Variants in SEMA3A observed in about 807,000 individuals in gnomAD.
The protein encoded by SEMA3A is semaphorin-3A.
In SEMA3A, 29 loss-of-function variants were observed where a neutral mutation model predicts 97.9. That is an observed-to-expected ratio of 0.30 (90% CI 0.22 to 0.40). SEMA3A has a LOEUF of 0.40. Among genes scored for constraint, SEMA3A ranks in the 10% least tolerant of loss-of-function variants. The pLI is 1.00. For synonymous variants in SEMA3A, 321 were observed against 323.7 expected (o/e 0.99, Z 0.09); for missense variants, 763 against 951.3 (o/e 0.80, Z 2.60).
At chr7:84,434,756 A>C (rs1805081020) in intron 1 of SEMA3A, among the ~76,000 whole-genome samples, 1 of 152,208 alleles carries the variant, frequency 6.6e-6, no homozygotes, top group African/African-American at 2.4e-5. Flanking sequence ...TTAATGATAA[A>C]ATGCTATATG....
At chr7:84,140,876 G>A (rs1189688768) in intron 1 of SEMA3A, among the ~76,000 whole-genome samples, 1 of 152,120 alleles carries the variant, frequency 6.6e-6, no homozygotes, top group East Asian at 1.9e-4. Context: ...TTAGAAAAAA[G>A]GGGGTGGGAG....
chr7:84,146,419 A>AG (rs1217651832), intron 1 of SEMA3A, among the ~76,000 whole-genome samples: 4 of 151,958 alleles, frequency 2.6e-5, no homozygotes, highest in African/African-American at 9.7e-5. Flanking sequence ...GCTCTTTCTA[A>AG]ATAACTTTCT....
chr7:84,003,246 A>G (rs1790532971), intron 11 of SEMA3A, among the ~76,000 whole-genome samples: 1 of 152,110 alleles, frequency 6.6e-6, no homozygotes, highest in Non-Finnish European at 1.5e-5. Context: ...TTCTGTATTT[A>G]CAGGACCTTA....
At chr7:84,038,913 A>C (rs973637451) in intron 6 of SEMA3A, among the ~76,000 whole-genome samples, 6 of 152,138 alleles carry the variant, frequency 3.9e-5, no homozygotes, top group Non-Finnish European at 8.8e-5. Context: ...TATGATTTTA[A>C]TACTGAAGCT....
chr7:84,373,569 A>C (rs1803025388), intron 1 of SEMA3A, among the ~76,000 whole-genome samples: 1 of 152,198 alleles, frequency 6.6e-6, no homozygotes, highest in African/African-American at 2.4e-5. Flanking sequence ...AATTTATAAA[A>C]TCATGCCTTT....
At chr7:84,126,583 C>G (rs1795804092) in intron 3 of SEMA3A, among the ~76,000 whole-genome samples, 1 of 152,150 alleles carries the variant, frequency 6.6e-6, no homozygotes, top group Non-Finnish European at 1.5e-5. Context: ...TACTTATCAT[C>G]TGTGTGTTAA....
intron 2 of SEMA3A, among the ~76,000 whole-genome samples, chr7:84,366,871 A>T (rs1397010418): frequency 1.3e-5 from 2 of 151,410 alleles, no homozygotes; most frequent in African/African-American, 4.8e-5. Context: ...CTACTTGGTT[A>T]TGCAGGATTT....
At chr7:84,017,938 T>C (rs56156921) in intron 6 of SEMA3A, among the ~76,000 whole-genome samples, 46,991 of 151,960 alleles carry the variant, frequency 0.31, 8,254 homozygotes, top group East Asian at 0.61. Flanking sequence ...TGTCCTTACA[T>C]TTAAGCAAGG....
chr7:84,377,905 A>C (rs373552115), intron 1 of SEMA3A, among the ~76,000 whole-genome samples: 51 of 152,160 alleles, frequency 3.4e-4, no homozygotes, highest in African/African-American at 1.1e-3. Flanking sequence ...TGAATCATTC[A>C]GTTACTGCTG....
upstream of SEMA3A, among the ~76,000 whole-genome samples, chr7:84,200,113 A>G (rs1798318644): frequency 6.6e-6 from 1 of 152,018 alleles, no homozygotes; most frequent in Admixed American, 6.6e-5. Flanking sequence ...GATTTCAGTA[A>G]AAGAAGCTCT....
intron 15 of SEMA3A, among the ~76,000 whole-genome samples, chr7:83,966,841 A>T (rs1184909123): frequency 6.6e-6 from 1 of 151,764 alleles, no homozygotes; most frequent in Non-Finnish European, 1.5e-5. Flanking sequence ...ACTCCCTAGT[A>T]GCTGGGATTA....
intron 3 of SEMA3A, among the ~76,000 whole-genome samples, chr7:84,211,208 T>C (rs758414033): frequency 1.5e-4 from 23 of 152,196 alleles, no homozygotes; most frequent in Non-Finnish European, 3.2e-4. Context: ...CCCCAAATCA[T>C]AGCAACTGAA....
intron 3 of SEMA3A, among the ~76,000 whole-genome samples, chr7:84,246,256 C>T (rs1799474626): frequency 2.6e-5 from 4 of 152,144 alleles, no homozygotes; most frequent in Non-Finnish European, 5.9e-5. Flanking sequence ...AATACAATTT[C>T]GTTGTTTTAA....
At chr7:84,031,926 T>C (rs1791773183) in intron 6 of SEMA3A, among the ~76,000 whole-genome samples, 1 of 152,206 alleles carries the variant, frequency 6.6e-6, no homozygotes, top group African/African-American at 2.4e-5. Flanking sequence ...GGTCAGAATC[T>C]ACAGATAAAA....
Position 84,194,767 on chromosome 7 carries a change from A to C in SEMA3A, c.-181T>G. The C allele has an allele frequency of 2.5e-6, 1 of 403,258 alleles. No individual in the cohort carries two copies. The highest frequency in any genetic ancestry group is 4.4e-6 in the Non-Finnish European group (1 of 228,610). 25.0% of individuals were successfully genotyped at this position (403,258 alleles called of 1,614,324 possible). A position where few individuals can be genotyped will look rare whatever the true frequency, so the allele number is the denominator to read the frequency against. On this transcript the variant is annotated 5_prime_UTR_variant, in exon 1 of 17. Coordinates refer to ENST00000265362, the MANE Select transcript of SEMA3A (RefSeq NM_006080.3). ...ACCTCTTCTTCTGTAACAGTCACTG[A>C]AGCACAGAAACTTCAAACCCTCCAA... is the stretch of plus-strand genomic sequence containing the variant.
At position 84,236,532 on chromosome 7, in the gene SEMA3A, T is replaced by C. The variant is rs116515551; in HGVS notation, c.-82-41864A>G. Among the ~76,000 whole-genome samples, 347 of 152,216 alleles carry C rather than the reference T, an allele frequency of 2.3e-3. 3 individuals carry two copies. The highest frequency in any genetic ancestry group is 8.1e-3 in the African/African-American group (335 of 41,556). On this transcript the variant is annotated intron_variant, in intron 3 of 3. Coordinates refer to the SEMA3A transcript ENST00000424555. ...CATTTCAGGCCCTTCCTCCAAGATG[T>C]TATTGCAATCTTCCTGTTTAACTTC...
chr7:84,417,162 C>T (rs1004408161), intron 1 of SEMA3A, among the ~76,000 whole-genome samples: 2 of 152,022 alleles, frequency 1.3e-5, no homozygotes, highest in African/African-American at 4.8e-5. Flanking sequence ...GGGTACATTA[C>T]TATATTGTGA....
At chr7:84,427,234 G>A (rs1188275467) in intron 1 of SEMA3A, among the ~76,000 whole-genome samples, 2 of 151,944 alleles carry the variant, frequency 1.3e-5, no homozygotes, top group African/African-American at 4.8e-5. Context: ...ACAATGAAGG[G>A]AGATATCTAT....
intron 1 of SEMA3A, among the ~76,000 whole-genome samples, chr7:84,380,150 T>A (rs1223174975): frequency 6.6e-6 from 1 of 152,148 alleles, no homozygotes; most frequent in Non-Finnish European, 1.5e-5. Flanking sequence ...ATTATTTACA[T>A]CATAACAAAG....
Sources: gnomAD v4.1 joint callset for allele counts (sites outside exome capture counted in the v4.1 genomes callset) on GRCh38, gnomAD v4.1.1 for gene constraint, MANE v1.5 for transcripts, NCBI Gene and HGNC (gene_info 2026-07-23, HGNC 2026-07-21) for gene names.